Variants in SYNJ2BP observed in about 807,000 individuals in gnomAD.
SYNJ2BP encodes the protein synaptojanin-2-binding protein.
In SYNJ2BP, 10 loss-of-function variants were observed where a neutral mutation model predicts 16.9. That is an observed-to-expected ratio of 0.59 (90% confidence interval 0.36 to 1.00). The LOEUF (loss-of-function observed/expected upper bound fraction) is 1.00, where lower values mean the gene tolerates loss of function less well. Ranked by LOEUF, SYNJ2BP falls within the 50% of genes least tolerant of loss-of-function variation. The pLI is 0.01. For synonymous variants in SYNJ2BP, 54 were observed against 68.4 expected (o/e 0.79, Z 1.04); for missense variants, 162 against 186.7 (o/e 0.87, Z 0.77).
rs991514778 is a variant in SYNJ2BP, at chr14:70,372,784, G to C, written c.*207C>G. The C allele has an allele frequency of 8.5e-5, 58 of 682,644 alleles. No homozygotes were observed. The highest frequency in any genetic ancestry group is 1.3e-4 in the Non-Finnish European group (56 of 431,294). The allele number at this position is 682,644 out of a possible 1,614,324, so 42.3% of individuals were successfully genotyped here. A position where few individuals can be genotyped will look rare whatever the true frequency, so the allele number is the denominator to read the frequency against. ...TAACTCCTCATTTGTTCTAAGCCAA[G>C]TCTTTTCTTCAGTTTTCCTTCAAAC... On this transcript the variant is annotated 3_prime_UTR_variant, in exon 4 of 4. Coordinates refer to ENST00000256366, the MANE Select transcript of SYNJ2BP (RefSeq NM_018373.3).
At chr14:70,382,287 T>C (rs939603893) in intron 2 of SYNJ2BP, among the ~76,000 whole-genome samples, 14 of 152,140 alleles carry the variant, frequency 9.2e-5, no homozygotes, top group African/African-American at 3.4e-4. Context: ...AAAGTGAAAT[T>C]AGAAGAAAAC....
chr14:70,397,479 T>C (rs1250996830), intron 1 of SYNJ2BP, among the ~76,000 whole-genome samples: 4 of 152,184 alleles, frequency 2.6e-5, no homozygotes, highest in African/African-American at 9.6e-5. Flanking sequence ...ATGGGAACTT[T>C]GGGGTGTCAC....
At chr14:70,390,383 G>A (rs75349454) in intron 1 of SYNJ2BP, among the ~76,000 whole-genome samples, 10,599 of 152,094 alleles carry the variant, frequency 0.07, 422 homozygotes, top group Middle Eastern at 0.12. Context: ...AGACATATGC[G>A]GGGGGCCGGG....
chr14:70,411,470 T>C (rs1234156550), intron 1 of SYNJ2BP, among the ~76,000 whole-genome samples: 1 of 152,212 alleles, frequency 6.6e-6, no homozygotes, highest in Non-Finnish European at 1.5e-5. Flanking sequence ...TAAGTTTCCA[T>C]ACTAACACTA....
chr14:70,416,777 C>T (rs1888619871), intron 1 of SYNJ2BP, 123 bp downstream of exon 1: 3 of 1,440,154 alleles, frequency 2.1e-6, no homozygotes, highest in African/African-American at 2.8e-5. Context: ...CGAAGCGTTG[C>T]ACGAAACCTC....
At chr14:70,403,514 G>A (rs967324210) in intron 1 of SYNJ2BP, among the ~76,000 whole-genome samples, 24 of 152,302 alleles carry the variant, frequency 1.6e-4, no homozygotes, top group African/African-American at 5.8e-4. Context: ...CTGTAAAGAA[G>A]CTGGCCAAAA....
In SYNJ2BP at chr14:70,371,728, A is replaced by AAATC. The variant is rs1180845552; in HGVS notation, c.*1259_*1262dup. Reference sequence around the variant, plus strand: ...CGCTGCACCCGGCCTCATTTTAACTAAATCTGAAGCCAGAGTTGATTTGAT... The same window carrying AAATC: ...CGCTGCACCCGGCCTCATTTTAACTAAATCAATCTGAAGCCAGAGTTGATTTGAT... On this transcript the variant is annotated 3_prime_UTR_variant, in exon 4 of 4. Transcript: ENST00000256366. 1 of 152,216 alleles carries AAATC rather than the reference A, an allele frequency of 6.6e-6. No individual in the cohort carries two copies. The highest frequency in any genetic ancestry group is 1.5e-5 in the Non-Finnish European group (1 of 68,050). 9.4% of individuals were successfully genotyped at this position (152,216 alleles called of 1,614,324 possible).
chr14:70,380,628 C>A (rs940611170), intron 2 of SYNJ2BP, among the ~76,000 whole-genome samples: 5 of 148,918 alleles, frequency 3.4e-5, no homozygotes, highest in African/African-American at 1.2e-4. Flanking sequence ...TGCCACTGTA[C>A]TCCAGCCTGG....
chr14:70,394,438 G>T (rs1337417396), intron 1 of SYNJ2BP, among the ~76,000 whole-genome samples: 1 of 143,002 alleles, frequency 7.0e-6, no homozygotes, highest in Admixed American at 6.9e-5. Flanking sequence ...GAGGCAGGAA[G>T]AAAAAAGACT....
intron 1 of SYNJ2BP, among the ~76,000 whole-genome samples, chr14:70,414,408 T>C (rs1346301123): frequency 6.6e-6 from 1 of 152,222 alleles, no homozygotes; most frequent in Non-Finnish European, 1.5e-5. Flanking sequence ...ATATATTAGC[T>C]AGATATAATT....
rs181782445 is a variant in SYNJ2BP at position 70,399,889 on chromosome 14, G to T, written c.65-11283C>A. 6.6e-5 allele frequency among the ~76,000 whole-genome samples: 10 copies of T among 152,242 alleles called. No homozygotes were observed. In the East Asian group the frequency reaches 1.9e-3, roughly 29 times the overall value. ...CCCCAGTAAAAGGGAGCCATCATCC[G>T]AGGCTCCATTTCCATGACCATTTGG... On this transcript the variant is annotated intron_variant, in intron 1 of 3. Transcript: ENST00000256366.
intron 1 of SYNJ2BP, among the ~76,000 whole-genome samples, chr14:70,413,670 T>C (rs1040825746): frequency 5.9e-5 from 9 of 152,184 alleles, no homozygotes; most frequent in Non-Finnish European, 1.3e-4. Context: ...GTAATTGTAC[T>C]TTTGCACCAA....
rs1329774158 is a variant in SYNJ2BP at position 70,375,596 on chromosome 14, G to A, written c.297+80C>T. On this transcript the variant is annotated intron_variant, in intron 3 of 3. Coordinates refer to ENST00000256366, the MANE Select transcript of SYNJ2BP (RefSeq NM_018373.3). ...TGAGGGTAAAACAAAAAGCAACACTGAAGATTACACACATTGGGCTTATTC... is the reference window on the plus strand; with the variant it reads ...TGAGGGTAAAACAAAAAGCAACACTAAAGATTACACACATTGGGCTTATTC... The A allele has an allele frequency of 4.1e-5, 61 of 1,505,276 alleles. 1 individual carries two copies. Among genetic ancestry groups the A allele is most frequent in the Non-Finnish European group, 2.8e-5 (31 of 1,123,064 alleles). The allele number at this position is 1,505,276 out of a possible 1,614,324, so 93.2% of individuals were successfully genotyped here.
rs1187415500 is a variant in SYNJ2BP at position 70,367,155 on chromosome 14, G to C, written c.*5836C>G. ...GTGAGGAAAACCTGGAAACAGGACC[G>C]AGTGTTTGCTATCACTTGATTCCTT... On this transcript the variant is annotated 3_prime_UTR_variant, in exon 4 of 4. Transcript: ENST00000256366. 1 of 152,148 alleles carries C rather than the reference G, an allele frequency of 6.6e-6. No homozygotes were observed. Among genetic ancestry groups the C allele is most frequent in the Non-Finnish European group, 1.5e-5 (1 of 68,026 alleles). 9.4% of individuals were successfully genotyped at this position (152,148 alleles called of 1,614,324 possible).
At chr14:70,402,625 G>A (rs1026951115) in intron 1 of SYNJ2BP, among the ~76,000 whole-genome samples, 1 of 151,266 alleles carries the variant, frequency 6.6e-6, no homozygotes, top group African/African-American at 2.4e-5. Flanking sequence ...TTGGGTCCAG[G>A]AGCTCAAGAC....
chr14:70,408,333 A>G (rs996508878), intron 1 of SYNJ2BP, among the ~76,000 whole-genome samples: 3 of 152,166 alleles, frequency 2.0e-5, no homozygotes, highest in Admixed American at 6.5e-5. Context: ...GTTTTGTGGT[A>G]AAGTGCTTAA....
chr14:70,396,705 T>A (rs1888107698), intron 1 of SYNJ2BP, among the ~76,000 whole-genome samples: 1 of 149,132 alleles, frequency 6.7e-6, no homozygotes, highest in African/African-American at 2.5e-5. Context: ...CAAATTGTGG[T>A]TTTGATTTGC....
intron 2 of SYNJ2BP, among the ~76,000 whole-genome samples, chr14:70,382,640 T>C (rs1244776149): frequency 6.6e-6 from 1 of 152,214 alleles, no homozygotes; most frequent in Non-Finnish European, 1.5e-5. Context: ...CAGAATTAAC[T>C]TGCTACTTCA....
At chr14:70,399,543 G>A (rs1888188327) in intron 1 of SYNJ2BP, among the ~76,000 whole-genome samples, 1 of 152,194 alleles carries the variant, frequency 6.6e-6, no homozygotes, top group Non-Finnish European at 1.5e-5. Context: ...ACACACAGTT[G>A]GCTGCCTCAG....
Sources: gnomAD v4.1 joint callset for allele counts (sites outside exome capture counted in the v4.1 genomes callset) on GRCh38, gnomAD v4.1.1 for gene constraint, MANE v1.5 for transcripts, NCBI Gene and HGNC (gene_info 2026-07-23, HGNC 2026-07-21) for gene names.